NCOA2: variants seen among roughly 807,000 people sequenced by gnomAD.
NCOA2 encodes the protein class E basic helix-loop-helix protein 75.
Under a neutral mutation model 145.1 loss-of-function variants are expected in NCOA2, and 21 were observed. That is an observed-to-expected ratio of 0.14 (90% CI 0.10 to 0.21). The LOEUF (loss-of-function observed/expected upper bound fraction) is 0.21. NCOA2 is among the 10% of genes least tolerant of loss of function. NCOA2 has a pLI of 1.00. For synonymous variants in NCOA2, 619 were observed against 637.5 expected (o/e 0.97, Z 0.44); for missense variants, 1,472 against 1,837.6 (o/e 0.80, Z 3.64).
At chr8:70,343,969 C>T (rs985974381) in intron 1 of NCOA2, among the ~76,000 whole-genome samples, 5 of 152,134 alleles carry the variant, frequency 3.3e-5, no homozygotes, top group African/African-American at 9.7e-5. Context: ...TAAGGTTACC[C>T]CAGACCAGCA....
intron 4 of NCOA2, among the ~76,000 whole-genome samples, chr8:70,194,117 T>C (rs144035792): frequency 7.9e-5 from 12 of 152,346 alleles, no homozygotes; most frequent in African/African-American, 2.9e-4. Flanking sequence ...TCTATGTGAC[T>C]ATGTTGAATT....
At chr8:70,137,665 A>G (rs1468523285) in intron 15 of NCOA2, among the ~76,000 whole-genome samples, 3 of 152,210 alleles carry the variant, frequency 2.0e-5, no homozygotes, top group Admixed American at 1.3e-4. Flanking sequence ...AGCAATGGCT[A>G]TCTACCTGGG....
chr8:70,356,599 A>G (rs1809718442), intron 1 of NCOA2, among the ~76,000 whole-genome samples: 2 of 152,196 alleles, frequency 1.3e-5, no homozygotes, highest in Non-Finnish European at 2.9e-5. Context: ...TTTTCCTAAA[A>G]AACAAGCAGA....
Position 70,327,372 on chromosome 8 carries a change from C to G in NCOA2, c.-76-30572G>C, listed in dbSNP as rs528891967. On this transcript the variant is annotated intron_variant, in intron 1 of 22. Coordinates refer to ENST00000452400, the MANE Select transcript of NCOA2 (RefSeq NM_006540.4). ...CCTACATTTATACATTTGTGAGAAG[C>G]CTGAAATTTTTGCAAAATTCATTAA... 3.9e-5 allele frequency among the ~76,000 whole-genome samples: 6 copies of G among 152,140 alleles called. 1 individual carries two copies. The South Asian group carries it at 8.3e-4, about 21-fold the overall frequency.
In NCOA2 at chr8:70,126,986, C is replaced by T. The variant is rs753507017; in HGVS notation, c.3743G>A (p.Arg1248Gln). ...CTGTTGCTGATGCATTTGTCTCTGTCGAAGATGCTGGTTCAGGATTTCCCT... is the reference window on the plus strand; with the variant it reads ...CTGTTGCTGATGCATTTGTCTCTGTTGAAGATGCTGGTTCAGGATTTCCCT... ...RQREILNQHLRQRQMHQQQQV... is the reference protein window; with the variant it reads ...RQREILNQHLQQRQMHQQQQV... The change falls in exon 19 of 23, where the codon CGA (arginine) becomes CAA (glutamine). Residue 1248 changes from arginine (R) to glutamine (Q), a missense_variant. Arg to Gln is a conservative substitution (Grantham distance 43, BLOSUM62 1). Coordinates refer to ENST00000452400, the MANE Select transcript of NCOA2 (RefSeq NM_006540.4). 3.0e-5 allele frequency: 48 copies of T among 1,613,554 alleles called. No individual in the cohort carries two copies. Among genetic ancestry groups the T allele is most frequent in the African/African-American group, 1.3e-5 (1 of 74,884 alleles).
Position 70,156,626 on chromosome 8 carries a change from A to G in NCOA2, c.1739T>C (p.Leu580Ser). 6.2e-7 allele frequency: 1 copy of G among 1,613,892 alleles called. No homozygotes were observed. The highest frequency in any genetic ancestry group is 8.5e-7 in the Non-Finnish European group (1 of 1,179,878). ...NPPPLSKMGS[L>S]DSKDCFGLYG... is the part of the protein sequence containing the mutation. ...TAGTCCAAAACAGTCTTTTGAGTCC[A>G]AGCTTCCCATCTTGCTGAGTGGGGG... is the stretch of plus-strand genomic sequence containing the variant. The change falls in exon 11 of 23, where the codon TTG becomes TCG. Residue 580 changes from leucine to serine, a missense_variant. Coordinates refer to ENST00000452400, the MANE Select transcript of NCOA2 (RefSeq NM_006540.4).
At chr8:70,289,952 A>T (rs532569144) in intron 2 of NCOA2, among the ~76,000 whole-genome samples, 1 of 152,204 alleles carries the variant, frequency 6.6e-6, no homozygotes, top group South Asian at 2.1e-4. Context: ...TCCTGCCTCA[A>T]GGCTCCTGAG....
chr8:70,374,545 G>T (rs1586628442), intron 1 of NCOA2, among the ~76,000 whole-genome samples: 2 of 151,878 alleles, frequency 1.3e-5, no homozygotes, highest in Admixed American at 1.3e-4. Flanking sequence ...GCTCACACCT[G>T]TTATCCCAAC....
chr8:70,394,435 G>C (rs968403741), intron 1 of NCOA2, among the ~76,000 whole-genome samples: 1 of 152,190 alleles, frequency 6.6e-6, no homozygotes, highest in African/African-American at 2.4e-5. Flanking sequence ...GATTACACGC[G>C]TGAGTCACCG....
At chr8:70,254,440 A>T (rs889324909) in intron 2 of NCOA2, among the ~76,000 whole-genome samples, 1 of 152,226 alleles carries the variant, frequency 6.6e-6, no homozygotes, top group Non-Finnish European at 1.5e-5. Context: ...CGCATTATTC[A>T]CAATAGCCAA....
At chr8:70,418,448 C>T in the NCOA2 span, among the ~76,000 whole-genome samples, 1 of 152,176 alleles carries the variant, frequency 6.6e-6, no homozygotes, top group Non-Finnish European at 1.5e-5. Context: ...CTGTGGATAC[C>T]AGTCAGCCTC....
intron 2 of NCOA2, among the ~76,000 whole-genome samples, chr8:70,234,034 C>G (rs770090990): frequency 6.6e-6 from 1 of 152,126 alleles, no homozygotes; most frequent in African/African-American, 2.4e-5. Context: ...CCTCTCCCAG[C>G]CCCTCACAGC....
intron 2 of NCOA2, among the ~76,000 whole-genome samples, chr8:70,247,404 T>G (rs1443848326): frequency 2.0e-5 from 3 of 152,180 alleles, no homozygotes; most frequent in African/African-American, 7.2e-5. Flanking sequence ...TAAAGAACCT[T>G]TAAAAGTTAT....
rs776792255 is a variant in NCOA2, at chr8:70,141,303, C to G, written c.2909G>C (p.Ser970Thr). 6.2e-7 allele frequency: 1 copy of G among 1,613,924 alleles called. No homozygotes were observed. Among genetic ancestry groups the G allele is most frequent in the East Asian group, 2.2e-5 (1 of 44,864 alleles). Residue 970 changes from serine (S) to threonine (T), a missense_variant, in exon 14 of 23, where the codon AGT becomes ACT. By Grantham distance (58) the Ser-to-Thr change is moderately conservative. Coordinates refer to ENST00000452400, the MANE Select transcript of NCOA2 (RefSeq NM_006540.4). ...TCCTTGGACTGGCCGGTTCATGGCA[C>G]TGGTGGTAGCAGCACAGGTGACTCT... Reference protein sequence around the residue: ...AVRVTCAATTSAMNRPVQGGM... With the variant: ...AVRVTCAATTTAMNRPVQGGM...
intron 2 of NCOA2, among the ~76,000 whole-genome samples, chr8:70,296,316 G>A (rs1230702960): frequency 6.6e-6 from 1 of 152,170 alleles, no homozygotes; most frequent in Admixed American, 6.5e-5. Context: ...ATCTACCCCT[G>A]TAAGTCTGAG....
At chr8:70,414,006 A>T in the NCOA2 span, among the ~76,000 whole-genome samples, 2 of 152,190 alleles carry the variant, frequency 1.3e-5, no homozygotes, top group African/African-American at 4.8e-5. Flanking sequence ...TATATCTGTC[A>T]CACATGTTAT....
chr8:70,389,430 G>A lies in NCOA2; in HGVS notation c.-77+14270C>T, dbSNP rs570652500. On this transcript the variant is annotated intron_variant, in intron 1 of 22. Transcript: ENST00000452400. ...GGAGTAGCTGGGATTACAGGCATGC[G>A]CCACCACACCTGGCTAATTTTGAAT... 5.4e-5 allele frequency among the ~76,000 whole-genome samples: 8 copies of A among 149,288 alleles called. No homozygotes were observed. The East Asian group carries it at 8.1e-4, about 15-fold the overall frequency.
At chr8:70,440,695 GGAAA>G in the NCOA2 span, among the ~76,000 whole-genome samples, 1 of 132,256 alleles carries the variant, frequency 7.6e-6, no homozygotes, top group Non-Finnish European at 1.6e-5. Flanking sequence ...GAGAGAAAGA[GGAAA>G]GAAAGAAAAG....
intron 2 of NCOA2, among the ~76,000 whole-genome samples, chr8:70,287,494 A>AT (rs34107233): frequency 9.3e-4 from 142 of 152,260 alleles, no homozygotes; most frequent in African/African-American, 3.2e-3. Context: ...CTTTTTAAGA[A>AT]TTTTTTTACT....
Sources: gnomAD v4.1 joint callset for allele counts (sites outside exome capture counted in the v4.1 genomes callset) on GRCh38, gnomAD v4.1.1 for gene constraint, MANE v1.5 for transcripts, NCBI Gene and HGNC (gene_info 2026-07-23, HGNC 2026-07-21) for gene names.